The following LMCD1 variants were observed in gnomAD, a reference collection of about 807,000 sequenced individuals.
LMCD1 encodes LIM and cysteine rich domains 1.
Under a neutral mutation model 42.7 loss-of-function variants are expected in LMCD1, and 32 were observed. The ratio of observed to expected loss-of-function variants is 0.75; its 90% CI spans 0.57 to 1.01. The LOEUF is 1.01. Ranked by LOEUF, LMCD1 falls within the 50% of genes least tolerant of loss-of-function variation. The pLI is 0.00. For missense variants in LMCD1, 458 were observed against 483.1 expected (o/e 0.95, Z 0.49); for synonymous variants, 178 against 184.9 (o/e 0.96, Z 0.30).
intron 1 of LMCD1, among the ~76,000 whole-genome samples, chr3:8,505,619 G>C (rs768194940): frequency 1.3e-5 from 2 of 152,218 alleles, no homozygotes; most frequent in African/African-American, 4.8e-5. Flanking sequence ...AGTCACCAGT[G>C]GGCTGGCTCC....
intron 4 of LMCD1, 32 bp from the exon 5 acceptor site, chr3:8,565,400 T>G (rs751574780): frequency 1.0e-5 from 16 of 1,588,800 alleles, no homozygotes; most frequent in Non-Finnish European, 1.4e-5. Flanking sequence ...CCTGACTTCC[T>G]TGTCTCCTAT....
intron 4 of LMCD1, among the ~76,000 whole-genome samples, chr3:8,560,105 A>G (rs1695005150): frequency 6.6e-6 from 1 of 152,222 alleles, no homozygotes; most frequent in African/African-American, 2.4e-5. Context: ...CCTCATCTCA[A>G]GAACCAGTAA....
intron 2 of LMCD1, among the ~76,000 whole-genome samples, chr3:8,534,024 C>T (rs1694463937): frequency 6.6e-6 from 1 of 151,930 alleles, no homozygotes; most frequent in Non-Finnish European, 1.5e-5. Flanking sequence ...GAGTTCTCCA[C>T]ACTTACTATA....
intron 4 of LMCD1, among the ~76,000 whole-genome samples, chr3:8,561,381 G>GTT (rs5846603): frequency 7.6e-5 from 11 of 144,604 alleles, no homozygotes; most frequent in Non-Finnish European, 7.6e-5. Context: ...TGAGCACAGA[G>GTT]TTTTTTTTTT....
At position 8,567,555 on chromosome 3, in the gene LMCD1, G is replaced by T. The variant is rs1345556036; in HGVS notation, c.1055G>T (p.Gly352Val). Reference protein sequence around the residue: ...LSGRAYIVTKGQLLCPTCSKS... With the variant: ...LSGRAYIVTKVQLLCPTCSKS... The stretch of plus-strand genomic sequence containing the variant: ...GGCCGGGCGTACATCGTCACCAAGG[G>T]TCAGCTTCTGTGCCCAACTTGCAGC... The change falls in exon 6 of 6, where the codon GGT (glycine) becomes GTT (valine). Residue 352 changes from glycine to valine, a missense_variant. Coordinates refer to ENST00000157600, the MANE Select transcript of LMCD1 (RefSeq NM_014583.4). The T allele has an allele frequency of 6.2e-7, 1 of 1,613,760 alleles. No individual in the cohort carries two copies. Among genetic ancestry groups the T allele is most frequent in the South Asian group, 1.1e-5 (1 of 91,032 alleles).
At position 8,568,333 on chromosome 3, in the gene LMCD1, G is replaced by C. The variant is rs922733688; in HGVS notation, c.*735G>C. 1.3e-5 allele frequency: 2 copies of C among 152,136 alleles called. No homozygotes were observed. Among genetic ancestry groups the C allele is most frequent in the African/African-American group, 4.8e-5 (2 of 41,420 alleles). 9.4% of individuals were successfully genotyped at this position (152,136 alleles called of 1,614,324 possible). ...TGTAACAAAGGTATCATGTTTTATG[G>C]TACACTGAAAAGTGGCCTGCTGGGA... is the stretch of plus-strand genomic sequence containing the variant. On this transcript the variant is annotated 3_prime_UTR_variant, in exon 6 of 6. Coordinates refer to ENST00000157600, the MANE Select transcript of LMCD1 (RefSeq NM_014583.4).
At chr3:8,504,168 T>G (rs1693826698) in intron 1 of LMCD1, among the ~76,000 whole-genome samples, 2 of 152,180 alleles carry the variant, frequency 1.3e-5, no homozygotes. Flanking sequence ...ATTTTGTAGG[T>G]TAACCAATGC....
chr3:8,543,436 T>TAGAC (rs1559353135), intron 3 of LMCD1, among the ~76,000 whole-genome samples: 15 of 136,766 alleles, frequency 1.1e-4, no homozygotes, highest in African/African-American at 3.9e-4. Context: ...GATAGATAGA[T>TAGAC]AGATAGACAG....
At chr3:8,504,478 C>A (rs1693834905) in intron 1 of LMCD1, among the ~76,000 whole-genome samples, 1 of 152,212 alleles carries the variant, frequency 6.6e-6, no homozygotes, top group South Asian at 2.1e-4. Context: ...CGCTTCCCTA[C>A]CCCCGAGGGG....
At position 8,537,438 on chromosome 3, in the gene LMCD1, CT is replaced by C. The variant is rs773296160; in HGVS notation, c.386del (p.Leu129ArgfsTer16). 2.7e-5 allele frequency: 42 copies of C among 1,569,388 alleles called. 1 individual carries two copies. Among genetic ancestry groups the C allele is most frequent in the Non-Finnish European group, 3.6e-5 (41 of 1,154,864 alleles). ...EWAPPGVTQK[L>X]GLQYMELIPK... ...GGCTCCCCCTGGAGTCACCCAGAAACTGGTAAGAGAGCTTCCCCAACCAAGC... is the reference window on the plus strand; with the variant it reads ...GGCTCCCCCTGGAGTCACCCAGAAACGGTAAGAGAGCTTCCCCAACCAAGC... On this transcript the variant is annotated frameshift_variant and splice_region_variant, in exon 3 of 6. Coordinates refer to ENST00000157600, the MANE Select transcript of LMCD1 (RefSeq NM_014583.4). LOFTEE classifies it high-confidence loss of function.
chr3:8,552,774 A>G (rs578008691), intron 4 of LMCD1, among the ~76,000 whole-genome samples: 1 of 152,202 alleles, frequency 6.6e-6, no homozygotes, highest in African/African-American at 2.4e-5. Context: ...CCCGGGCTGG[A>G]GTGCAGTGGC....
intron 1 of LMCD1, among the ~76,000 whole-genome samples, chr3:8,509,364 C>T (rs898391461): frequency 6.6e-6 from 1 of 152,202 alleles, no homozygotes; most frequent in Non-Finnish European, 1.5e-5. Flanking sequence ...AGAATAGCCA[C>T]AATTCGTCTT....
rs528740582 is a variant in LMCD1, at chr3:8,571,850, T to C, written c.*4252T>C. ...AAGAGAACAAAGAGCTATTAGAGGGTGTTGCTGACACAATGCTTTATCACT... is the reference window on the plus strand; with the variant it reads ...AAGAGAACAAAGAGCTATTAGAGGGCGTTGCTGACACAATGCTTTATCACT... On this transcript the variant is annotated 3_prime_UTR_variant, in exon 6 of 6. Coordinates refer to ENST00000157600, the MANE Select transcript of LMCD1 (RefSeq NM_014583.4). 1 of 152,312 alleles carries C rather than the reference T, an allele frequency of 6.6e-6. No homozygotes were observed. The highest frequency in any genetic ancestry group is 1.5e-5 in the Non-Finnish European group (1 of 68,034). The allele number at this position is 152,312 out of a possible 1,614,324, so 9.4% of individuals were successfully genotyped here.
At chr3:8,556,904 G>A (rs1389574627) in intron 4 of LMCD1, among the ~76,000 whole-genome samples, 2 of 152,146 alleles carry the variant, frequency 1.3e-5, no homozygotes, top group Non-Finnish European at 2.9e-5. Context: ...CCCCATAATG[G>A]ATAATCTGCC....
intron 1 of LMCD1, chr3:8,514,937 T>C (rs944659871): frequency 2.2e-6 from 1 of 456,506 alleles, no homozygotes; most frequent in African/African-American, 2.0e-5. Context: ...GGTGATCACA[T>C]GGGATATACA....
Position 8,568,226 on chromosome 3 carries a change from C to T in LMCD1, c.*628C>T, listed in dbSNP as rs1304865650. The T allele has an allele frequency of 6.6e-5, 10 of 152,202 alleles. No individual in the cohort carries two copies. The highest frequency in any genetic ancestry group is 1.5e-4 in the Non-Finnish European group (10 of 68,054). 9.4% of individuals were successfully genotyped at this position (152,202 alleles called of 1,614,324 possible). A position where few individuals can be genotyped will look rare whatever the true frequency, so the allele number is the denominator to read the frequency against. ...AATGAGCCTCTCTATCAATGTATCT[C>T]ATCAGACTTCCACTGGGAGTGTAGG... On this transcript the variant is annotated 3_prime_UTR_variant, in exon 6 of 6. Coordinates refer to ENST00000157600, the MANE Select transcript of LMCD1 (RefSeq NM_014583.4).
In LMCD1 at chr3:8,537,111, G is replaced by A. The variant is rs1694520684; in HGVS notation, c.132-74G>A. The A allele has an allele frequency of 3.3e-6, 5 of 1,521,654 alleles. No homozygotes were observed. In the South Asian group the frequency reaches 5.0e-5, roughly 15 times the overall value. 94.3% of individuals were successfully genotyped at this position (1,521,654 alleles called of 1,614,324 possible). A position where few individuals can be genotyped will look rare whatever the true frequency, so the allele number is the denominator to read the frequency against. On this transcript the variant is annotated intron_variant, in intron 2 of 5. Transcript: ENST00000157600. ...GTTTTAGCTTGCTTTCAAAAGGGTA[G>A]ATGCTGCTAGCAGGAGAATGTGCCT...
chr3:8,528,527 A>G (rs1300770944), intron 1 of LMCD1, among the ~76,000 whole-genome samples: 1 of 152,006 alleles, frequency 6.6e-6, no homozygotes, highest in African/African-American at 2.4e-5. Context: ...ACTTATTTCA[A>G]TTTACTGCCT....
At chr3:8,553,855 T>C (rs1694883309) in intron 4 of LMCD1, among the ~76,000 whole-genome samples, 1 of 152,138 alleles carries the variant, frequency 6.6e-6, no homozygotes, top group African/African-American at 2.4e-5. Flanking sequence ...GCACCCACTG[T>C]CACCCCTGAA....
Sources: gnomAD v4.1 joint callset for allele counts (sites outside exome capture counted in the v4.1 genomes callset) on GRCh38, gnomAD v4.1.1 for gene constraint, MANE v1.5 for transcripts, NCBI Gene and HGNC (gene_info 2026-07-23, HGNC 2026-07-21) for gene names.